Variants in PAM observed in about 807,000 individuals in gnomAD.
The protein encoded by PAM is peptidyl-glycine alpha-amidating monooxygenase.
PAM carries 72 observed loss-of-function variants against 122.1 expected under a neutral mutation model. The ratio of observed to expected loss-of-function variants is 0.59; its 90% CI spans 0.49 to 0.72. PAM has a LOEUF of 0.72. Ranked by LOEUF, PAM falls within the 30% of genes least tolerant of loss-of-function variation. PAM has a pLI of 0.00. For missense variants in PAM, 1,106 were observed against 1,183.7 expected, an observed-to-expected ratio of 0.93 and a Z score of 0.96; for synonymous variants, 389 against 404.4, an observed-to-expected ratio of 0.96 and a Z score of 0.46.
intron 7 of PAM, among the ~76,000 whole-genome samples, chr5:102,945,657 C>G (rs763653761): frequency 4.6e-5 from 7 of 151,938 alleles, no homozygotes; most frequent in Non-Finnish European, 8.8e-5. Flanking sequence ...CTTCTCCCCC[C>G]CTCTCTCCTT....
At chr5:102,827,980 T>C (rs1774177746) in intron 1 of PAM, among the ~76,000 whole-genome samples, 1 of 152,208 alleles carries the variant, frequency 6.6e-6, no homozygotes, top group Non-Finnish European at 1.5e-5. Context: ...CAAATATTAA[T>C]GTAGTATAAA....
At chr5:102,895,096 T>C (rs772018389) in intron 3 of PAM, among the ~76,000 whole-genome samples, 3 of 151,820 alleles carry the variant, frequency 2.0e-5, no homozygotes, top group African/African-American at 4.8e-5. Context: ...CACATCTACA[T>C]GCCCAGTCCA....
chr5:102,912,955 G>C (rs1801877633), intron 4 of PAM, among the ~76,000 whole-genome samples: 2 of 151,940 alleles, frequency 1.3e-5, no homozygotes, highest in South Asian at 4.1e-4. Context: ...GCTATAGTTT[G>C]GTGTAGAACA....
chr5:102,805,983 A>G (rs189844433), intron 1 of PAM, among the ~76,000 whole-genome samples: 1 of 152,204 alleles, frequency 6.6e-6, no homozygotes, highest in African/African-American at 2.4e-5. Context: ...TCCTTCAGCC[A>G]TTCATAGTGT....
chr5:102,890,389 C>T (rs560226179), intron 3 of PAM, among the ~76,000 whole-genome samples: 10 of 151,928 alleles, frequency 6.6e-5, no homozygotes, highest in Admixed American at 5.2e-4. Flanking sequence ...TCATCATTGC[C>T]GTGGTTAATT....
At chr5:102,829,376 T>G (rs1580658958) in intron 1 of PAM, among the ~76,000 whole-genome samples, 1 of 150,130 alleles carries the variant, frequency 6.7e-6, no homozygotes, top group Admixed American at 6.6e-5. Flanking sequence ...TTTTTTTTTT[T>G]TTTTTTTTTT....
intron 5 of PAM, among the ~76,000 whole-genome samples, chr5:102,922,312 T>C (rs559715405): frequency 3.9e-5 from 6 of 152,252 alleles, no homozygotes; most frequent in Non-Finnish European, 8.8e-5. Flanking sequence ...GAGAACACTT[T>C]CCTGAGGAGG....
intron 1 of PAM, among the ~76,000 whole-genome samples, chr5:102,815,435 C>T (rs1313580519): frequency 6.6e-6 from 1 of 152,112 alleles, no homozygotes; most frequent in Non-Finnish European, 1.5e-5. Context: ...TATATTTACA[C>T]ATTGAACCTT....
At chr5:102,788,422 CATA>C (rs1409661076) in intron 1 of PAM, among the ~76,000 whole-genome samples, 1 of 144,800 alleles carries the variant, frequency 6.9e-6, no homozygotes, top group East Asian at 2.2e-4. Context: ...GTATGCAAGA[CATA>C]ATAACTCTAT....
intron 2 of PAM, chr5:102,866,491 A>G (rs1212530414): frequency 1.1e-5 from 6 of 560,160 alleles, no homozygotes; most frequent in East Asian, 3.0e-5. Context: ...CAAAACTCCA[A>G]TTAGAAGTTG....
chr5:102,916,027 A>G (rs539160692), intron 5 of PAM, among the ~76,000 whole-genome samples: 5 of 152,300 alleles, frequency 3.3e-5, no homozygotes, highest in Admixed American at 6.5e-5. Context: ...ATTGCTAAGT[A>G]TATTATTTTG....
intron 5 of PAM, among the ~76,000 whole-genome samples, chr5:102,923,987 G>A (rs1366287350): frequency 6.6e-6 from 1 of 152,178 alleles, no homozygotes; most frequent in Non-Finnish European, 1.5e-5. Context: ...TGATGTAAGT[G>A]TACTTATCCC....
intron 3 of PAM, among the ~76,000 whole-genome samples, chr5:102,897,950 T>C (rs17154805): frequency 0.027 from 4,060 of 151,698 alleles, 178 homozygotes; most frequent in African/African-American, 0.093. Context: ...TCCTTTTCCA[T>C]AGAAACCACT....
intron 1 of PAM, among the ~76,000 whole-genome samples, chr5:102,830,049 T>A (rs1580669855): frequency 6.6e-6 from 1 of 152,192 alleles, no homozygotes; most frequent in Admixed American, 6.5e-5. Flanking sequence ...GGGGTCTACC[T>A]GCTCTAGGTA....
At chr5:102,838,172 G>A (rs1365361376) in intron 1 of PAM, 1 of 152,058 alleles carries the variant, frequency 6.6e-6, no homozygotes, top group Non-Finnish European at 1.5e-5. Flanking sequence ...TGGATTAGCA[G>A]TCATTGCCTC....
At chr5:102,989,346 A>T (rs1049001987) in intron 15 of PAM, among the ~76,000 whole-genome samples, 26 of 151,760 alleles carry the variant, frequency 1.7e-4, no homozygotes, top group Non-Finnish European at 3.1e-4. Flanking sequence ...TCTCGAATAA[A>T]TTTTTTTTCA....
chr5:102,763,826 C>T (rs1321129852), intron 1 of PAM, among the ~76,000 whole-genome samples: 1 of 152,102 alleles, frequency 6.6e-6, no homozygotes, highest in Non-Finnish European at 1.5e-5. Context: ...TCTTGCTGGC[C>T]ACATGAAGAA....
intron 14 of PAM, among the ~76,000 whole-genome samples, chr5:102,969,086 CG>C (rs1451959415): frequency 2.0e-5 from 3 of 148,968 alleles, no homozygotes; most frequent in Admixed American, 1.3e-4. Context: ...CAGTGCCTGT[CG>C]GGGGGTAGGG....
rs774512034 is a variant in PAM, at chr5:103,007,538, G to T, written c.2096G>T (p.Cys699Phe). The T allele has an allele frequency of 1.9e-6, 3 of 1,613,980 alleles. No individual in the cohort carries two copies. Among genetic ancestry groups the T allele is most frequent in the Non-Finnish European group, 8.5e-7 (1 of 1,179,950 alleles). ...CTTGTGCCTCTTTTGGGCCAATTAT[G>T]TGTGGCAGACCGGGAAAATGGTCGG... Reference protein sequence around the residue: ...LALVPLLGQLCVADRENGRIQ... With the variant: ...LALVPLLGQLFVADRENGRIQ... Residue 699 changes from cysteine (C) to phenylalanine (F), a missense_variant, in exon 20 of 26, where the codon TGT becomes TTT. Coordinates refer to ENST00000438793, the MANE Select transcript of PAM (RefSeq NM_001177306.2).
Sources: allele counts gnomAD v4.1 joint callset (sites outside exome capture counted in the v4.1 genomes callset), GRCh38; gene constraint gnomAD v4.1.1; transcripts MANE v1.5; gene names NCBI Gene and HGNC (gene_info 2026-07-23, HGNC 2026-07-21).